Variants in PCDHA9 observed in about 807,000 individuals in gnomAD.
PCDHA9 encodes the protein protocadherin alpha-9.
A neutral mutation model predicts 62.0 loss-of-function variants in PCDHA9; 62 were observed. That is an observed-to-expected ratio of 1.00 (90% CI 0.81 to 1.23). The LOEUF (loss-of-function observed/expected upper bound fraction) is 1.23, where lower values mean the gene tolerates loss of function less well. Among genes scored for constraint, PCDHA9 ranks in the 50% most tolerant of loss-of-function variants. PCDHA9 has a pLI of 0.00. For missense variants in PCDHA9, 1,205 were observed against 1,249.8 expected, an observed-to-expected ratio of 0.96 and a Z score of 0.54; for synonymous variants, 557 against 567.6, an observed-to-expected ratio of 0.98 and a Z score of 0.27.
chr5:140,997,668 TTGTG>T lies in PCDHA9; in HGVS notation c.2543-11933_2543-11930del, dbSNP rs35184029. On this transcript the variant is annotated intron_variant, in intron 3 of 3. Coordinates refer to ENST00000532602, the MANE Select transcript of PCDHA9 (RefSeq NM_031857.2). ...AATGCAATATGTATTATTATACAGC[TTGTG>T]TGTGTGTGTGTGTGTGTGTGTGTGT... Among the ~76,000 whole-genome samples, 716 of 148,202 alleles carry T rather than the reference TTGTG, an allele frequency of 4.8e-3. 2 individuals carry two copies. The highest frequency in any genetic ancestry group is 0.01 in the Middle Eastern group (3 of 294).
At chr5:140,878,731 A>G (rs1037542413) in intron 1 of PCDHA9, among the ~76,000 whole-genome samples, 3 of 152,370 alleles carry the variant, frequency 2.0e-5, no homozygotes, top group South Asian at 4.1e-4. Flanking sequence ...TTCCAGCCTT[A>G]TATCTACTTT....
intron 1 of PCDHA9, chr5:140,871,675 T>C (rs1474564343): frequency 8.8e-7 from 1 of 1,142,376 alleles, no homozygotes; most frequent in African/African-American, 1.6e-5. Flanking sequence ...CTTTTAATCA[T>C]ATGAATAATC....
intron 1 of PCDHA9, among the ~76,000 whole-genome samples, chr5:140,948,721 A>G (rs1392170905): frequency 2.0e-5 from 3 of 151,530 alleles, no homozygotes; most frequent in African/African-American, 7.2e-5. Flanking sequence ...CTTTTTTATC[A>G]ATAAGTCTAG....
At chr5:140,852,972 G>A (rs2150526368) in intron 1 of PCDHA9, 5 of 376,752 alleles carry the variant, frequency 1.3e-5, no homozygotes, top group South Asian at 2.2e-4. Context: ...TCCCCCTCCC[G>A]TGTTCACGCC....
chr5:140,864,968 G>C (rs1354647495), intron 1 of PCDHA9: 1 of 152,146 alleles, frequency 6.6e-6, no homozygotes, highest in Non-Finnish European at 1.5e-5. Flanking sequence ...GAAGCCGAGG[G>C]AGGAGGATCG....
At chr5:140,876,456 T>C (rs2056356318) in intron 1 of PCDHA9, 11 of 1,613,932 alleles carry the variant, frequency 6.8e-6, no homozygotes, top group Non-Finnish European at 8.5e-6. Context: ...AAGGGATTCC[T>C]TCCATGGCAG....
chr5:140,951,966 C>G (rs1554220177), intron 1 of PCDHA9, among the ~76,000 whole-genome samples: 1 of 152,128 alleles, frequency 6.6e-6, no homozygotes, highest in African/African-American at 2.4e-5. Flanking sequence ...GGTAAATACT[C>G]CTGTTCCAAA....
chr5:140,933,629 C>G (rs958764636), intron 1 of PCDHA9, among the ~76,000 whole-genome samples: 1 of 151,846 alleles, frequency 6.6e-6, no homozygotes, highest in Non-Finnish European at 1.5e-5. Context: ...TTAGGCTGGC[C>G]CTGTTAAACA....
At chr5:140,963,275 A>G (rs2095752915) in intron 1 of PCDHA9, among the ~76,000 whole-genome samples, 1 of 152,160 alleles carries the variant, frequency 6.6e-6, no homozygotes, top group Non-Finnish European at 1.5e-5. Flanking sequence ...AAATGTATGT[A>G]AGATTTTATA....
At chr5:140,998,585 A>C (rs1227951754) in intron 3 of PCDHA9, among the ~76,000 whole-genome samples, 1 of 148,644 alleles carries the variant, frequency 6.7e-6, no homozygotes, top group Non-Finnish European at 1.5e-5. Context: ...TTTTTTTGAG[A>C]CAGAGTTTTG....
intron 1 of PCDHA9, among the ~76,000 whole-genome samples, chr5:140,970,714 A>C (rs1554232672): frequency 6.6e-6 from 1 of 152,220 alleles, no homozygotes; most frequent in Non-Finnish European, 1.5e-5. Flanking sequence ...CAATGTGTGA[A>C]CAATATTTGT....
At chr5:140,881,373 AGCCG>A in intron 1 of PCDHA9, 2 of 985,074 alleles carry the variant, frequency 2.0e-6, no homozygotes, top group Non-Finnish European at 2.4e-6. Flanking sequence ...TATGAATTGC[AGCCG>A]GCGGCGGTAA....
chr5:140,850,570 C>T lies in PCDHA9; in HGVS notation c.2075C>T (p.Thr692Met), dbSNP rs2041682999. The T allele has an allele frequency of 1.3e-6, 2 of 1,598,372 alleles. No homozygotes were observed. The highest frequency in any genetic ancestry group is 8.6e-7 in the Non-Finnish European group (1 of 1,167,858). Residue 692 changes from threonine (T) to methionine (M), a missense_variant, in exon 1 of 4, where the codon ACG becomes ATG. Physicochemically the swap from Thr to Met is moderately conservative, Grantham distance 81. Transcript: ENST00000532602. ...GTGGGTGCCACGGGCCCCGAGGTGA[C>T]GCTGGTGGATGTCAACGTGTACCTG... ...ASVGATGPEV[T>M]LVDVNVYLII...
intron 1 of PCDHA9, among the ~76,000 whole-genome samples, chr5:140,899,419 A>G (rs1583341890): frequency 6.6e-6 from 1 of 152,318 alleles, no homozygotes; most frequent in Non-Finnish European, 1.5e-5. Flanking sequence ...GAATTTTGTC[A>G]AAGGTCTTTT....
intron 1 of PCDHA9, chr5:140,884,155 C>A (rs781815602): frequency 1.2e-6 from 2 of 1,613,430 alleles, no homozygotes; most frequent in Non-Finnish European, 1.7e-6. Flanking sequence ...TGTACACTGG[C>A]GAGATCAGCA....
At chr5:140,912,897 G>GT (rs1364534308) in intron 1 of PCDHA9, among the ~76,000 whole-genome samples, 12 of 152,290 alleles carry the variant, frequency 7.9e-5, no homozygotes, top group Admixed American at 3.3e-4. Context: ...TTGATATGAT[G>GT]TATCATATTG....
chr5:140,877,220 G>C (rs560974692), intron 1 of PCDHA9: 2 of 1,613,740 alleles, frequency 1.2e-6, no homozygotes, highest in East Asian at 2.2e-5. Context: ...TTGGTACCGC[G>C]GTCGGTGGGT....
chr5:140,923,508 G>C (rs570497442), intron 1 of PCDHA9, among the ~76,000 whole-genome samples: 1 of 152,222 alleles, frequency 6.6e-6, no homozygotes, highest in Non-Finnish European at 1.5e-5. Flanking sequence ...CAGCCTGGAT[G>C]ATGAAGTGAG....
chr5:140,864,689 C>A (rs970922865), intron 1 of PCDHA9: 4 of 152,202 alleles, frequency 2.6e-5, no homozygotes, highest in African/African-American at 7.2e-5. Context: ...TGCTGTCCTC[C>A]AGTTTAAGTT....
Sources: gnomAD v4.1 joint callset for allele counts (sites outside exome capture counted in the v4.1 genomes callset) on GRCh38, gnomAD v4.1.1 for gene constraint, MANE v1.5 for transcripts, NCBI Gene and HGNC (gene_info 2026-07-23, HGNC 2026-07-21) for gene names.